Variants in CFAP44 observed in about 807,000 individuals in gnomAD.
The protein encoded by CFAP44 is cilia and flagella associated protein 44, also known as cilia- and flagella-associated protein 44.
A neutral mutation model predicts 216.2 loss-of-function variants in CFAP44; 134 were observed. That is an observed-to-expected ratio of 0.62 (90% CI 0.54 to 0.72). The LOEUF is 0.72. CFAP44 is among the 30% of genes least tolerant of loss of function. CFAP44 has a pLI of 0.00. For missense variants in CFAP44, 2,035 were observed against 2,182.1 expected, an observed-to-expected ratio of 0.93 and a Z score of 1.34; for synonymous variants, 700 against 727.6, an observed-to-expected ratio of 0.96 and a Z score of 0.61.
In CFAP44 at chr3:113,288,933, G is replaced by A. The variant is rs1949801993; in HGVS notation, c.*2624C>T. On this transcript the variant is annotated 3_prime_UTR_variant, in exon 35 of 35. Coordinates refer to ENST00000393845, the MANE Select transcript of CFAP44 (RefSeq NM_001164496.2). ...ATACTATGGATGACAGTTCAGAAGAGCCAAGTTATATGAACAATTGACCCA... is the reference window on the plus strand; with the variant it reads ...ATACTATGGATGACAGTTCAGAAGAACCAAGTTATATGAACAATTGACCCA... The A allele has an allele frequency of 6.6e-6, 1 of 152,204 alleles. No homozygotes were observed. Among genetic ancestry groups the A allele is most frequent in the Non-Finnish European group, 1.5e-5 (1 of 68,044 alleles). 9.4% of individuals were successfully genotyped at this position (152,204 alleles called of 1,614,324 possible).
At position 113,305,146 on chromosome 3, in the gene CFAP44, T is replaced by C; in HGVS notation, c.4765A>G (p.Ile1589Val). The C allele has an allele frequency of 1.3e-6, 2 of 1,537,136 alleles. No individual in the cohort carries two copies. Among genetic ancestry groups the C allele is most frequent in the South Asian group, 2.4e-5 (2 of 84,046 alleles). The change falls in exon 31 of 35, where the codon ATT becomes GTT. Residue 1589 changes from isoleucine to valine, a missense_variant. Ile to Val is a conservative substitution (Grantham distance 29, BLOSUM62 3). Around this residue, in one of 3 missense-constraint regions of CFAP44, gnomAD observed 1,883 missense variants for 2,023.7 expected, o/e 0.93. Transcript: ENST00000393845. ...GCTGCATTCAGATTAGTTGCCACAA[T>C]TTTCACCTGTAGAAAGCCCCGTGTT... ...EYDTLSKKVK[I>V]VATNLNAAEE...
chr3:113,350,905 G>A (rs1474899200), intron 22 of CFAP44, among the ~76,000 whole-genome samples: 1 of 152,240 alleles, frequency 6.6e-6, no homozygotes. Flanking sequence ...ACTAACAGGG[G>A]ATCTAGGTCT....
rs145643304 is a variant in CFAP44 at position 113,403,876 on chromosome 3, A to G, written c.1146T>C (p.Thr382=). The G allele has an allele frequency of 6.8e-6, 11 of 1,613,988 alleles. No individual in the cohort carries two copies. The highest frequency in any genetic ancestry group is 9.3e-6 in the Non-Finnish European group (11 of 1,179,916). ...CCCTAACATATCCATCTGACCCAAC[A>G]GTGATAACTTCACCCTCATACAGCA... ...QIMLYEGEVI[T]VGSDGYVRIW... The change falls in exon 9 of 35, where the codon ACT becomes ACC. Residue 382 remains threonine (T), a synonymous_variant. Coordinates refer to ENST00000393845, the MANE Select transcript of CFAP44 (RefSeq NM_001164496.2).
At chr3:113,342,596 C>T (rs1375116287) in intron 23 of CFAP44, among the ~76,000 whole-genome samples, 1 of 151,814 alleles carries the variant, frequency 6.6e-6, no homozygotes, top group Non-Finnish European at 1.5e-5. Flanking sequence ...CGAGTAAGTC[C>T]AATTCGATAC....
chr3:113,415,279 G>A (rs1934614635), intron 6 of CFAP44, among the ~76,000 whole-genome samples: 1 of 151,814 alleles, frequency 6.6e-6, no homozygotes, highest in Non-Finnish European at 1.5e-5. Flanking sequence ...CTAGCTAGTG[G>A]TGTACCTATG....
chr3:113,297,939 C>T (rs1047260171), intron 32 of CFAP44, among the ~76,000 whole-genome samples: 2 of 152,222 alleles, frequency 1.3e-5, no homozygotes, highest in African/African-American at 4.8e-5. Flanking sequence ...CCATTATGCA[C>T]AATCCAGGAG....
intron 1 of CFAP44, among the ~76,000 whole-genome samples, chr3:113,436,090 T>C (rs1366213430): frequency 6.6e-6 from 1 of 152,126 alleles, no homozygotes; most frequent in Non-Finnish European, 1.5e-5. Context: ...CATTCTGTCA[T>C]CCTTTTAGTT....
At chr3:113,374,979 C>T (rs1933294093) in intron 17 of CFAP44, among the ~76,000 whole-genome samples, 1 of 152,120 alleles carries the variant, frequency 6.6e-6, no homozygotes, top group Admixed American at 6.6e-5. Context: ...AAATACGGTA[C>T]ATACTTAAAG....
chr3:113,396,009 C>T (rs1370050301), intron 14 of CFAP44, 149 bp from the exon 15 acceptor site: 9 of 600,182 alleles, frequency 1.5e-5, no homozygotes, highest in Non-Finnish European at 2.2e-5. Context: ...ATTTCTAAAA[C>T]TTGCTCAATT....
At chr3:113,346,375 G>A (rs1251699574) in intron 22 of CFAP44, among the ~76,000 whole-genome samples, 4 of 146,040 alleles carry the variant, frequency 2.7e-5, no homozygotes, top group Non-Finnish European at 4.5e-5. Flanking sequence ...ACCAATCAGC[G>A]CTCCGTGCCT....
At chr3:113,413,786 G>A (rs1302141525) in intron 6 of CFAP44, among the ~76,000 whole-genome samples, 1 of 152,174 alleles carries the variant, frequency 6.6e-6, no homozygotes, top group Non-Finnish European at 1.5e-5. Context: ...TTTGAAGTCA[G>A]GTAGTGTGAT....
At chr3:113,408,542 C>G (rs1934355806) in intron 7 of CFAP44, among the ~76,000 whole-genome samples, 1 of 152,138 alleles carries the variant, frequency 6.6e-6, no homozygotes, top group Middle Eastern at 3.2e-3. Flanking sequence ...GGAGGTGGAG[C>G]CTATAAGAAG....
Position 113,291,526 on chromosome 3 carries a change from A to T in CFAP44, c.*31T>A, listed in dbSNP as rs1949828480. On this transcript the variant is annotated 3_prime_UTR_variant, in exon 35 of 35. Coordinates refer to ENST00000393845, the MANE Select transcript of CFAP44 (RefSeq NM_001164496.2). Reference sequence around the variant, plus strand: ...AGAACTTCCAGTGAGTTATGTCAGAAATCTTGTATGGGTTTGAGAAAATAG... The same window carrying T: ...AGAACTTCCAGTGAGTTATGTCAGATATCTTGTATGGGTTTGAGAAAATAG... 3 of 1,526,252 alleles carry T rather than the reference A, an allele frequency of 2.0e-6. No individual in the cohort carries two copies. The Admixed American group carries it at 5.9e-5, about 30-fold the overall frequency. 94.5% of individuals were successfully genotyped at this position (1,526,252 alleles called of 1,614,324 possible). A position where few individuals can be genotyped will look rare whatever the true frequency, so the allele number is the denominator to read the frequency against.
intron 26 of CFAP44, among the ~76,000 whole-genome samples, chr3:113,329,156 C>CA (rs1950218958): frequency 6.6e-6 from 1 of 152,112 alleles, no homozygotes; most frequent in Non-Finnish European, 1.5e-5. Flanking sequence ...ATTTTCAAGA[C>CA]AATACTAATA....
At chr3:113,421,862 C>G (rs1223657684) in intron 4 of CFAP44, among the ~76,000 whole-genome samples, 1 of 151,878 alleles carries the variant, frequency 6.6e-6, no homozygotes, top group East Asian at 1.9e-4. Flanking sequence ...GGGGGCACGG[C>G]TGAAAAACTT....
intron 6 of CFAP44, among the ~76,000 whole-genome samples, chr3:113,410,404 T>C (rs904062037): frequency 1.3e-5 from 2 of 152,142 alleles, no homozygotes; most frequent in Non-Finnish European, 2.9e-5. Context: ...CAGTGTTTGG[T>C]TTTTTGTCCT....
rs1052054056 is a variant in CFAP44 at position 113,404,340 on chromosome 3, G to A, written c.1006-324C>T. On this transcript the variant is annotated intron_variant, in intron 8 of 34. Transcript: ENST00000393845. Reference sequence around the variant, plus strand: ...ACAAAAGACAGGAGTGGAATTAGATGAGAGTCTACTTTTTAAATGTAATAC... The same window carrying A: ...ACAAAAGACAGGAGTGGAATTAGATAAGAGTCTACTTTTTAAATGTAATAC... Among the ~76,000 whole-genome samples, 6 of 152,152 alleles carry A rather than the reference G, an allele frequency of 3.9e-5. No individual in the cohort carries two copies. In the South Asian group the frequency reaches 8.3e-4, roughly 21 times the overall value.
Position 113,401,237 on chromosome 3 carries a change from T to C in CFAP44, c.1374+3A>G. On this transcript the variant is annotated splice_donor_region_variant and intron_variant, in intron 11 of 34. Coordinates refer to ENST00000393845, the MANE Select transcript of CFAP44 (RefSeq NM_001164496.2). ...GAGAAAATAAGAATAATAGGCAACT[T>C]ACAATATTTGAAAAACTAAGGTCAA... is the stretch of plus-strand genomic sequence containing the variant. 1 of 1,584,446 alleles carries C rather than the reference T, an allele frequency of 6.3e-7. No homozygotes were observed. Among genetic ancestry groups the C allele is most frequent in the Admixed American group, 1.9e-5 (1 of 52,798 alleles).
intron 6 of CFAP44, 49 bp from the exon 7 acceptor site, chr3:113,409,371 T>G (rs1934388941): frequency 6.5e-7 from 1 of 1,540,496 alleles, no homozygotes. Flanking sequence ...TTTATTTCAT[T>G]TTCAAAAACA....
Sources: allele counts gnomAD v4.1 joint callset (sites outside exome capture counted in the v4.1 genomes callset), GRCh38; gene constraint gnomAD v4.1.1; regional missense constraint gnomAD v4.1.1; transcripts MANE v1.5; gene names NCBI Gene and HGNC (gene_info 2026-07-23, HGNC 2026-07-21).